The following FAM20A variants were observed in gnomAD, a reference collection of about 807,000 sequenced individuals.
FAM20A encodes FAM20A golgi associated secretory pathway pseudokinase.
Under a neutral mutation model 52.0 loss-of-function variants are expected in FAM20A, and 42 were observed. The ratio of observed to expected loss-of-function variants is 0.81; its 90% CI spans 0.63 to 1.04. FAM20A has a LOEUF of 1.04. Ranked by LOEUF, FAM20A falls within the 50% of genes least tolerant of loss-of-function variation. FAM20A has a pLI of 0.00. For missense variants in FAM20A, 742 were observed against 712.7 expected (o/e 1.04, Z -0.47); for synonymous variants, 304 against 298.9 (o/e 1.02, Z -0.18).
intron 4 of FAM20A, chr17:68,551,193 A>G: frequency 8.9e-7 from 1 of 1,128,004 alleles, no homozygotes. Flanking sequence ...CAGAAACCCA[A>G]ACTCACACCA....
chr17:68,539,255 A>T (rs2086188748), intron 10 of FAM20A, 82 bp downstream of exon 10: 3 of 1,397,200 alleles, frequency 2.1e-6, no homozygotes, highest in Middle Eastern at 1.8e-4. Flanking sequence ...TGAAAACTGG[A>T]AGCCCTTCAG....
intron 4 of FAM20A, chr17:68,550,949 C>A: frequency 4.4e-6 from 3 of 683,804 alleles, no homozygotes; most frequent in Non-Finnish European, 6.0e-6. Context: ...CTGGGGCTCT[C>A]AATGGGCCTC....
intron 1 of FAM20A, among the ~76,000 whole-genome samples, chr17:68,599,592 G>C (rs374481972): frequency 6.6e-6 from 1 of 152,142 alleles, no homozygotes; most frequent in East Asian, 1.9e-4. Flanking sequence ...CATACAAGAC[G>C]ATAAAAGTGC....
chr17:68,597,650 G>T (rs959727838), intron 1 of FAM20A, among the ~76,000 whole-genome samples: 5 of 152,186 alleles, frequency 3.3e-5, no homozygotes, highest in Admixed American at 2.6e-4. Flanking sequence ...CTCCCAAAGT[G>T]CTGGGATTAC....
In FAM20A at chr17:68,539,933, G is replaced by A. The variant is rs754613645; in HGVS notation, c.1253C>T (p.Thr418Ile). 9.9e-6 allele frequency: 16 copies of A among 1,614,212 alleles called. 1 individual carries two copies. The South Asian group carries it at 1.8e-4, about 18-fold the overall frequency. Residue 418 changes from threonine to isoleucine, a missense_variant, in exon 9 of 11, where the codon ACC (threonine) becomes ATC (isoleucine). Physicochemically the swap from Thr to Ile is moderately conservative, Grantham distance 89. Coordinates refer to ENST00000592554, the MANE Select transcript of FAM20A (RefSeq NM_017565.4). ...AAGGAACCCATCATCCCCGAACTTG[G>A]TGAACATCTCATAATGGTGCCGGTC... ...NMDRHHYEMF[T>I]KFGDDGFLIH...
chr17:68,541,353 C>T (rs1334997831), intron 7 of FAM20A: 4 of 249,410 alleles, frequency 1.6e-5, no homozygotes, highest in African/African-American at 8.9e-5. Context: ...CTCTCTCACA[C>T]ATGGTTTTCT....
intron 1 of FAM20A, among the ~76,000 whole-genome samples, chr17:68,597,651 C>T (rs992934324): frequency 3.3e-5 from 5 of 152,158 alleles, no homozygotes; most frequent in Admixed American, 2.6e-4. Flanking sequence ...TCCCAAAGTG[C>T]TGGGATTACC....
intron 1 of FAM20A, chr17:68,598,174 T>G (rs780906961): frequency 1.3e-5 from 2 of 152,058 alleles, no homozygotes; most frequent in Non-Finnish European, 1.5e-5. Context: ...CTATTTTTTT[T>G]GTTTGTTTTT....
intron 1 of FAM20A, among the ~76,000 whole-genome samples, chr17:68,582,211 G>A (rs2088025899): frequency 6.6e-6 from 1 of 152,196 alleles, no homozygotes; most frequent in Non-Finnish European, 1.5e-5. Context: ...TGAGAAACAT[G>A]GGCTCAGCAG....
intron 3 of FAM20A, among the ~76,000 whole-genome samples, chr17:68,552,658 T>C (rs1280182561): frequency 7.4e-6 from 1 of 135,572 alleles, no homozygotes; most frequent in African/African-American, 2.8e-5. Flanking sequence ...CTGTAAACCT[T>C]TATTTTCCTT....
At chr17:68,589,664 A>C (rs1487532990) in intron 1 of FAM20A, among the ~76,000 whole-genome samples, 1 of 152,236 alleles carries the variant, frequency 6.6e-6, no homozygotes, top group African/African-American at 2.4e-5. Context: ...TGGTTTAAAA[A>C]AAATTTCTAG....
At chr17:68,541,290 C>G (rs188029421) in intron 7 of FAM20A, 4 of 361,080 alleles carry the variant, frequency 1.1e-5, no homozygotes, top group African/African-American at 4.2e-5. Flanking sequence ...TCTCACCAAG[C>G]CTCTTGGACC....
In FAM20A at chr17:68,572,003, T is replaced by C. The variant is rs1427216657; in HGVS notation, c.405-16260A>G. On this transcript the variant is annotated intron_variant, in intron 1 of 10. Coordinates refer to ENST00000592554, the MANE Select transcript of FAM20A (RefSeq NM_017565.4). ...ATATACATACATATATATATATATA[T>C]ATATATATATATATATATATATATA... is the stretch of plus-strand genomic sequence containing the variant. Among the ~76,000 whole-genome samples the C allele has an allele frequency of 2.5e-3, 87 of 34,460 alleles. 2 individuals carry two copies. Among genetic ancestry groups the C allele is most frequent in the Middle Eastern group, 9.3e-3 (1 of 108 alleles). 22.6% of individuals were successfully genotyped at this position (34,460 alleles called of 152,430 possible).
In FAM20A at chr17:68,539,327, G is replaced by T. The variant is rs1173230303; in HGVS notation, c.1361+10C>A. 1.2e-6 allele frequency: 2 copies of T among 1,614,136 alleles called. No homozygotes were observed. Among genetic ancestry groups the T allele is most frequent in the South Asian group, 1.1e-5 (1 of 91,078 alleles). ...TACTTGCCCGTATTATCTGCTGCAG[G>T]AAAACTTACATGCAGCACTGGGAGA... is the stretch of plus-strand genomic sequence containing the variant. On this transcript the variant is annotated intron_variant, in intron 10 of 10. Coordinates refer to ENST00000592554, the MANE Select transcript of FAM20A (RefSeq NM_017565.4).
At chr17:68,551,704 ATT>A (rs2086844517) in intron 4 of FAM20A, among the ~76,000 whole-genome samples, 167 bp downstream of exon 4, 15 of 139,464 alleles carry the variant, frequency 1.1e-4, no homozygotes, top group Admixed American at 1.1e-3. Context: ...TATTATTATT[ATT>A]ATTATTATTA....
intron 1 of FAM20A, among the ~76,000 whole-genome samples, chr17:68,580,591 C>A (rs1222125659): frequency 6.6e-6 from 1 of 152,208 alleles, no homozygotes; most frequent in Non-Finnish European, 1.5e-5. Flanking sequence ...GCTGGAGTGG[C>A]CCCGAACTGG....
intron 1 of FAM20A, among the ~76,000 whole-genome samples, chr17:68,587,378 C>T (rs2088191209): frequency 6.6e-6 from 1 of 152,184 alleles, no homozygotes; most frequent in African/African-American, 2.4e-5. Context: ...GTCTCAGTTT[C>T]TCACCATTAC....
chr17:68,540,564 G>C lies in FAM20A; in HGVS notation c.1219+285C>G, dbSNP rs772449088. The C allele has an allele frequency of 2.3e-4, 121 of 535,136 alleles. No homozygotes were observed. The Admixed American group carries it at 2.7e-3, about 12-fold the overall frequency. The allele number at this position is 535,136 out of a possible 1,614,324, so 33.1% of individuals were successfully genotyped here. A position where few individuals can be genotyped will look rare whatever the true frequency, so the allele number is the denominator to read the frequency against. On this transcript the variant is annotated intron_variant, in intron 8 of 10. Coordinates refer to ENST00000592554, the MANE Select transcript of FAM20A (RefSeq NM_017565.4). The stretch of plus-strand genomic sequence containing the variant: ...CTTCCTACCTGGTTTCCCCTCACTT[G>C]GTGAAGTGAACATACAGCTTCCAAT...
intron 1 of FAM20A, among the ~76,000 whole-genome samples, chr17:68,589,755 T>C (rs1256765485): frequency 6.6e-6 from 1 of 152,262 alleles, no homozygotes; most frequent in African/African-American, 2.4e-5. Flanking sequence ...TTTATTGATA[T>C]AAATCTAACA....
Sources: allele counts gnomAD v4.1 joint callset (sites outside exome capture counted in the v4.1 genomes callset), GRCh38; gene constraint gnomAD v4.1.1; transcripts MANE v1.5; gene names NCBI Gene and HGNC (gene_info 2026-07-23, HGNC 2026-07-21).